ZNF385B: variants seen among roughly 807,000 people sequenced by gnomAD.
ZNF385B encodes zinc finger protein 533.
A neutral mutation model predicts 39.2 loss-of-function variants in ZNF385B; 23 were observed. The ratio of observed to expected loss-of-function variants is 0.59; its 90% CI spans 0.42 to 0.83. The LOEUF (loss-of-function observed/expected upper bound fraction) is 0.83, where lower values mean the gene tolerates loss of function less well. Among genes scored for constraint, ZNF385B ranks in the 40% least tolerant of loss-of-function variants. The probability of loss-of-function intolerance (pLI) is 0.00; values close to 1 mark genes in which losing one functional copy is unlikely to be tolerated. For synonymous variants in ZNF385B, 205 were observed against 222.6 expected, an observed-to-expected ratio of 0.92 and a Z score of 0.70; for missense variants, 552 against 598.9, an observed-to-expected ratio of 0.92 and a Z score of 0.82.
intron 3 of ZNF385B, among the ~76,000 whole-genome samples, chr2:179,721,824 T>C (rs1472745159): frequency 6.6e-6 from 1 of 152,032 alleles, no homozygotes; most frequent in Non-Finnish European, 1.5e-5. Context: ...ACTTTGACCA[T>C]TTCCATTTAA....
At chr2:179,457,364 C>G (rs1478082606) in intron 6 of ZNF385B, among the ~76,000 whole-genome samples, 1 of 151,998 alleles carries the variant, frequency 6.6e-6, no homozygotes, top group Non-Finnish European at 1.5e-5. Flanking sequence ...TTTTGGTAGA[C>G]ATAAATACTC....
chr2:179,833,019 T>A (rs913463130), intron 1 of ZNF385B, among the ~76,000 whole-genome samples: 1 of 152,200 alleles, frequency 6.6e-6, no homozygotes, highest in Non-Finnish European at 1.5e-5. Context: ...TCTCAGAGTA[T>A]ATCACTTTTT....
chr2:179,672,363 A>G (rs926838089), intron 3 of ZNF385B, among the ~76,000 whole-genome samples: 3 of 152,178 alleles, frequency 2.0e-5, no homozygotes, highest in Non-Finnish European at 4.4e-5. Flanking sequence ...CTTAAGTCTC[A>G]CCCATATCTG....
chr2:179,850,313 C>T (rs1709014181), intron 1 of ZNF385B, among the ~76,000 whole-genome samples: 1 of 152,156 alleles, frequency 6.6e-6, no homozygotes, highest in Middle Eastern at 3.2e-3. Flanking sequence ...TGCAGGAATT[C>T]CTTCTGTTAT....
At chr2:179,604,088 C>G (rs1350986959) in intron 3 of ZNF385B, among the ~76,000 whole-genome samples, 1 of 151,984 alleles carries the variant, frequency 6.6e-6, no homozygotes, top group Non-Finnish European at 1.5e-5. Context: ...AAATGAAATC[C>G]AAGTATCCAT....
intron 3 of ZNF385B, among the ~76,000 whole-genome samples, chr2:179,605,577 C>A (rs1425577273): frequency 6.6e-6 from 1 of 152,060 alleles, no homozygotes; most frequent in Non-Finnish European, 1.5e-5. Context: ...AGCAGCAGGT[C>A]CCAATGGCTA....
chr2:179,573,820 C>T (rs997342598), intron 3 of ZNF385B, among the ~76,000 whole-genome samples: 22 of 151,986 alleles, frequency 1.4e-4, no homozygotes, highest in African/African-American at 5.1e-4. Context: ...GATCTAATGC[C>T]TATGTGGCTT....
intron 1 of ZNF385B, among the ~76,000 whole-genome samples, chr2:179,841,107 T>C (rs1708511330): frequency 6.6e-6 from 1 of 152,260 alleles, no homozygotes; most frequent in Admixed American, 6.5e-5. Context: ...ACTTTCTGCA[T>C]GTATTGCCCC....
intron 3 of ZNF385B, among the ~76,000 whole-genome samples, chr2:179,658,213 T>C (rs938315291): frequency 6.6e-6 from 1 of 152,214 alleles, no homozygotes; most frequent in Non-Finnish European, 1.5e-5. Context: ...ATAAACAAAA[T>C]GGTGAACACT....
intron 1 of ZNF385B, among the ~76,000 whole-genome samples, chr2:179,837,962 T>G (rs955995037): frequency 2.6e-5 from 4 of 152,210 alleles, no homozygotes; most frequent in Non-Finnish European, 5.9e-5. Context: ...AAATTTTATC[T>G]TTTAACTTTA....
intron 6 of ZNF385B, among the ~76,000 whole-genome samples, chr2:179,462,371 G>C (rs981129208): frequency 3.3e-5 from 5 of 152,128 alleles, no homozygotes; most frequent in Admixed American, 3.3e-4. Context: ...AAGCTGAAAA[G>C]CTCAGGGGGC....
Position 179,569,950 on chromosome 2 carries a change from C to G in ZNF385B, c.299-24981G>C, listed in dbSNP as rs1210078915. On this transcript the variant is annotated intron_variant, in intron 3 of 9. Transcript: ENST00000410066. ...TGAACATAGTTATGCAACATGACCC[C>G]TATGTAATAAATCTTCCTAGAAGCA... 2.0e-5 allele frequency among the ~76,000 whole-genome samples: 3 copies of G among 152,108 alleles called. No homozygotes were observed. In the East Asian group the frequency reaches 5.8e-4, roughly 29 times the overall value.
In ZNF385B at chr2:179,842,914, C is replaced by G. The variant is rs1011166612; in HGVS notation, c.-155+18187G>C. 2.6e-5 allele frequency among the ~76,000 whole-genome samples: 4 copies of G among 152,184 alleles called. 1 individual carries two copies. The highest frequency in any genetic ancestry group is 2.6e-4 in the Admixed American group (4 of 15,286). On this transcript the variant is annotated intron_variant, in intron 1 of 9. Coordinates refer to ENST00000410066, the MANE Select transcript of ZNF385B (RefSeq NM_152520.6). Reference sequence around the variant, plus strand: ...GGAAACTGATGGACTAAAGGCCTCTCCAGACTTTGGTGTGGAGGGAGCCTG... The same window carrying G: ...GGAAACTGATGGACTAAAGGCCTCTGCAGACTTTGGTGTGGAGGGAGCCTG...
chr2:179,788,197 A>C (rs775339712), intron 1 of ZNF385B, among the ~76,000 whole-genome samples: 2 of 152,136 alleles, frequency 1.3e-5, no homozygotes, highest in African/African-American at 4.8e-5. Context: ...ATGTACACAC[A>C]TGCGTGCACA....
At chr2:179,469,237 A>C (rs180910110) in intron 6 of ZNF385B, among the ~76,000 whole-genome samples, 38 of 152,330 alleles carry the variant, frequency 2.5e-4, no homozygotes, top group Admixed American at 9.2e-4. Context: ...TGGAAGAAGA[A>C]GAATTGTCTT....
At chr2:179,640,782 A>G (rs1692195651) in intron 3 of ZNF385B, among the ~76,000 whole-genome samples, 1 of 152,164 alleles carries the variant, frequency 6.6e-6, no homozygotes, top group African/African-American at 2.4e-5. Flanking sequence ...AGTAAAAAAC[A>G]GAACAACAAC....
intron 3 of ZNF385B, among the ~76,000 whole-genome samples, chr2:179,592,203 C>G (rs1313140707): frequency 6.6e-6 from 1 of 152,114 alleles, no homozygotes; most frequent in Non-Finnish European, 1.5e-5. Context: ...ACACGTTGCT[C>G]TCTCAGCAGT....
At chr2:179,731,254 C>A (rs976734625) in intron 3 of ZNF385B, among the ~76,000 whole-genome samples, 1 of 152,210 alleles carries the variant, frequency 6.6e-6, no homozygotes, top group Non-Finnish European at 1.5e-5. Flanking sequence ...TATGTAACTT[C>A]ATTTGATCAT....
intron 3 of ZNF385B, among the ~76,000 whole-genome samples, chr2:179,668,605 C>T (rs1254185743): frequency 6.9e-6 from 1 of 144,616 alleles, no homozygotes; most frequent in Non-Finnish European, 1.5e-5. Flanking sequence ...CACACAGTTC[C>T]TGGAGCCAAC....
Sources: gnomAD v4.1 joint callset for allele counts (sites outside exome capture counted in the v4.1 genomes callset) on GRCh38, gnomAD v4.1.1 for gene constraint, MANE v1.5 for transcripts, NCBI Gene and HGNC (gene_info 2026-07-23, HGNC 2026-07-21) for gene names.